Variants in NEO1 observed in about 807,000 individuals in gnomAD.
NEO1 encodes the protein neogenin.
A neutral mutation model predicts 159.7 loss-of-function variants in NEO1; 63 were observed. That is an observed-to-expected ratio of 0.39 (90% confidence interval 0.32 to 0.49). The LOEUF is 0.49. NEO1 is among the 20% of genes least tolerant of loss of function. The pLI, the probability that NEO1 is intolerant of heterozygous loss-of-function variation, is 0.85. For synonymous variants in NEO1, 633 were observed against 662.0 expected, an observed-to-expected ratio of 0.96 and a Z score of 0.67; for missense variants, 1,615 against 1,831.0, an observed-to-expected ratio of 0.88 and a Z score of 2.15.
chr15:73,108,010 G>A (rs1029389558), intron 1 of NEO1, among the ~76,000 whole-genome samples: 1 of 152,062 alleles, frequency 6.6e-6, no homozygotes, highest in African/African-American at 2.4e-5. Flanking sequence ...AGTGAGGCCC[G>A]GTCTGTACCA....
At chr15:73,165,067 G>A (rs1014880059) in intron 5 of NEO1, among the ~76,000 whole-genome samples, 11 of 149,904 alleles carry the variant, frequency 7.3e-5, no homozygotes, top group Non-Finnish European at 1.3e-4. Context: ...GACTGAAACT[G>A]TAGGCATGTT....
chr15:73,131,157 A>G (rs1158794248), intron 4 of NEO1, among the ~76,000 whole-genome samples: 1 of 152,204 alleles, frequency 6.6e-6, no homozygotes, highest in African/African-American at 2.4e-5. Flanking sequence ...CATAGTACCT[A>G]AAATATCCAG....
In NEO1 at chr15:73,301,312, T is replaced by C; in HGVS notation, c.4166-9T>C. 1 of 1,614,094 alleles carries C rather than the reference T, an allele frequency of 6.2e-7. No homozygotes were observed. Among genetic ancestry groups the C allele is most frequent in the Non-Finnish European group, 8.5e-7 (1 of 1,180,002 alleles). ...TGGCCACATATCTGATGGTGCCCTT[T>C]CCCCTCAGCTCTGAACCATCACATT... On this transcript the variant is annotated splice_polypyrimidine_tract_variant and intron_variant, in intron 27 of 28. Coordinates refer to ENST00000261908, the MANE Select transcript of NEO1 (RefSeq NM_002499.4).
intron 5 of NEO1, among the ~76,000 whole-genome samples, chr15:73,166,446 C>T (rs527286554): frequency 2.6e-4 from 39 of 152,246 alleles, no homozygotes; most frequent in South Asian, 6.2e-4. Context: ...ATGTTTATTG[C>T]AGGGCACCAA....
At chr15:73,062,270 G>C (rs889272143) in intron 1 of NEO1, among the ~76,000 whole-genome samples, 1 of 152,126 alleles carries the variant, frequency 6.6e-6, no homozygotes, top group Non-Finnish European at 1.5e-5. Flanking sequence ...ATGGAGTTGA[G>C]CATCTTTTCA....
intron 7 of NEO1, among the ~76,000 whole-genome samples, chr15:73,185,739 G>A (rs2035881882): frequency 6.6e-6 from 1 of 152,100 alleles, no homozygotes; most frequent in African/African-American, 2.4e-5. Context: ...AATATCCTTT[G>A]GTATCTGAAT....
intron 5 of NEO1, among the ~76,000 whole-genome samples, chr15:73,141,101 A>G (rs1045914582): frequency 9.2e-5 from 14 of 152,326 alleles, no homozygotes; most frequent in Middle Eastern, 3.4e-3. Flanking sequence ...TTTACAGATT[A>G]TAACTCATAA....
chr15:73,150,038 C>T (rs1018102301), intron 5 of NEO1, among the ~76,000 whole-genome samples: 4 of 152,150 alleles, frequency 2.6e-5, no homozygotes, highest in Admixed American at 1.3e-4. Flanking sequence ...GCACACACAC[C>T]TTTCCCAGCT....
chr15:73,059,690 C>G (rs1265805510), intron 1 of NEO1, among the ~76,000 whole-genome samples: 1 of 152,140 alleles, frequency 6.6e-6, no homozygotes, highest in African/African-American at 2.4e-5. Context: ...TACTGTTGAT[C>G]AAGGAATAGT....
At chr15:73,118,196 G>A (rs1035145925) in intron 2 of NEO1, among the ~76,000 whole-genome samples, 6 of 151,900 alleles carry the variant, frequency 3.9e-5, no homozygotes, top group Non-Finnish European at 7.4e-5. Context: ...TCTCCTTCCC[G>A]AGGCTACTCC....
chr15:73,277,138 G>T (rs2041459848), intron 21 of NEO1, among the ~76,000 whole-genome samples: 1 of 152,186 alleles, frequency 6.6e-6, no homozygotes, highest in African/African-American at 2.4e-5. Flanking sequence ...TATGATGGAG[G>T]TAATATGCAA....
At chr15:73,161,010 T>A (rs1018849023) in intron 5 of NEO1, among the ~76,000 whole-genome samples, 4 of 152,146 alleles carry the variant, frequency 2.6e-5, no homozygotes, top group African/African-American at 9.7e-5. Flanking sequence ...ACTTGTCTTA[T>A]TATAGGACAA....
chr15:73,124,726 C>G (rs1229647865), intron 3 of NEO1, among the ~76,000 whole-genome samples: 1 of 152,120 alleles, frequency 6.6e-6, no homozygotes, highest in Admixed American at 6.6e-5. Flanking sequence ...AGTGTTTTCT[C>G]CTTCTACCTT....
At chr15:73,068,201 G>A (rs906733668) in intron 1 of NEO1, among the ~76,000 whole-genome samples, 2 of 138,314 alleles carry the variant, frequency 1.4e-5, no homozygotes, top group African/African-American at 5.3e-5. Flanking sequence ...GCAGCCTCCT[G>A]TATTTTTGTT....
chr15:73,120,894 C>CT (rs2071607459), intron 2 of NEO1, among the ~76,000 whole-genome samples: 1 of 152,000 alleles, frequency 6.6e-6, no homozygotes, highest in African/African-American at 2.4e-5. Context: ...AAGAATAGAA[C>CT]CAAGAAATCT....
intron 1 of NEO1, among the ~76,000 whole-genome samples, chr15:73,116,280 A>G (rs1417122369): frequency 6.6e-6 from 1 of 152,086 alleles, no homozygotes; most frequent in Non-Finnish European, 1.5e-5. Flanking sequence ...TTTATTAGAT[A>G]CTCATGTCAT....
At chr15:73,259,765 A>C (rs893425884) in intron 14 of NEO1, among the ~76,000 whole-genome samples, 2 of 152,190 alleles carry the variant, frequency 1.3e-5, no homozygotes, top group African/African-American at 4.8e-5. Flanking sequence ...CACCAATTGA[A>C]TCAACTGTGG....
chr15:73,053,659 G>A (rs542077813), intron 1 of NEO1, among the ~76,000 whole-genome samples: 2 of 152,222 alleles, frequency 1.3e-5, no homozygotes, highest in Non-Finnish European at 2.9e-5. Context: ...CCTATTAAGG[G>A]GACCAACGAA....
In NEO1 at chr15:73,126,670, A is replaced by G. The variant is rs2030295628; in HGVS notation, c.878+100A>G. On this transcript the variant is annotated intron_variant, in intron 4 of 28. Transcript: ENST00000261908. The stretch of plus-strand genomic sequence containing the variant: ...CTAATTTAAAAAGATTATCAACTTT[A>G]TTTAAACACATCATAATGCTCATAT... 7 of 1,051,716 alleles carry G rather than the reference A, an allele frequency of 6.7e-6. No homozygotes were observed. The South Asian group carries it at 1.0e-4, about 16-fold the overall frequency. The allele number at this position is 1,051,716 out of a possible 1,614,324, so 65.1% of individuals were successfully genotyped here.
Sources: gnomAD v4.1 joint callset for allele counts (sites outside exome capture counted in the v4.1 genomes callset) on GRCh38, gnomAD v4.1.1 for gene constraint, MANE v1.5 for transcripts, NCBI Gene and HGNC (gene_info 2026-07-23, HGNC 2026-07-21) for gene names.